SUPT3H: variants seen among roughly 807,000 people sequenced by gnomAD.
SUPT3H encodes the protein transcription initiation protein SPT3 homolog.
A neutral mutation model predicts 44.3 loss-of-function variants in SUPT3H; 44 were observed. That is an observed-to-expected ratio of 0.99 (90% CI 0.78 to 1.28). SUPT3H has a LOEUF of 1.28. SUPT3H is among the 50% of genes most tolerant of loss of function. SUPT3H has a pLI of 0.00. For synonymous variants in SUPT3H, 124 were observed against 125.6 expected (o/e 0.99, Z 0.09); for missense variants, 380 against 387.1 (o/e 0.98, Z 0.15).
chr6:44,892,532 T>G (rs1339414159), intron 10 of SUPT3H, among the ~76,000 whole-genome samples: 1 of 152,180 alleles, frequency 6.6e-6, no homozygotes, highest in Non-Finnish European at 1.5e-5. Flanking sequence ...CCTAGCTAAC[T>G]AAGACAAAGT....
At chr6:45,221,069 T>C (rs974915821) in intron 2 of SUPT3H, among the ~76,000 whole-genome samples, 1 of 152,184 alleles carries the variant, frequency 6.6e-6, no homozygotes, top group African/African-American at 2.4e-5. Context: ...TCATGTCCTT[T>C]GTAGGGACAT....
intron 8 of SUPT3H, 118 bp downstream of exon 8, chr6:44,954,377 G>A: frequency 1.3e-6 from 1 of 789,524 alleles, no homozygotes; most frequent in Non-Finnish European, 2.2e-6. Context: ...AAATGCCACA[G>A]GAGAGAATTC....
chr6:45,021,583 T>C (rs1189311768), intron 3 of SUPT3H, among the ~76,000 whole-genome samples: 3 of 151,960 alleles, frequency 2.0e-5, no homozygotes, highest in Admixed American at 6.6e-5. Flanking sequence ...TGAAATACTA[T>C]AAAAAGTTAC....
chr6:44,866,474 G>T (rs1775527377), intron 10 of SUPT3H, among the ~76,000 whole-genome samples: 1 of 151,424 alleles, frequency 6.6e-6, no homozygotes. Context: ...TATATATATT[G>T]AGATCCATCT....
intron 10 of SUPT3H, among the ~76,000 whole-genome samples, chr6:44,929,053 C>A (rs2153460086): frequency 6.6e-6 from 1 of 151,900 alleles, no homozygotes; most frequent in East Asian, 1.9e-4. Context: ...GATGTTTATG[C>A]CATTCTCCCT....
chr6:45,362,883 T>C (rs574894726), intron 2 of SUPT3H, among the ~76,000 whole-genome samples: 3 of 152,258 alleles, frequency 2.0e-5, no homozygotes, highest in South Asian at 4.1e-4. Context: ...ATGCACTAAA[T>C]AGAAGCTCTC....
At chr6:45,083,663 G>A (rs1470475006) in intron 3 of SUPT3H, among the ~76,000 whole-genome samples, 1 of 151,096 alleles carries the variant, frequency 6.6e-6, no homozygotes, top group African/African-American at 2.4e-5. Flanking sequence ...AAAATGAACA[G>A]TCAGAGGCAT....
At chr6:45,318,111 T>C (rs1784970675) in intron 2 of SUPT3H, among the ~76,000 whole-genome samples, 1 of 152,096 alleles carries the variant, frequency 6.6e-6, no homozygotes, top group African/African-American at 2.4e-5. Flanking sequence ...CATGACATAC[T>C]GGAAAAGGCA....
chr6:44,903,851 T>C (rs914489160), intron 10 of SUPT3H, among the ~76,000 whole-genome samples: 21 of 152,294 alleles, frequency 1.4e-4, no homozygotes, highest in African/African-American at 5.1e-4. Context: ...GTGGGCTTCA[T>C]CCCTGGGATG....
rs373516401 is a variant in SUPT3H, at chr6:45,106,466, C to T, written c.102-460G>A. Among the ~76,000 whole-genome samples, 24 of 152,222 alleles carry T rather than the reference C, an allele frequency of 1.6e-4. No individual in the cohort carries two copies. The South Asian group carries it at 4.8e-3, about 30-fold the overall frequency. Reference sequence around the variant, plus strand: ...CAAAAGAAAATAAAAGAAAGTCTTTCCCACACAAGTTGCAACTTCAAAAGA... The same window carrying T: ...CAAAAGAAAATAAAAGAAAGTCTTTTCCACACAAGTTGCAACTTCAAAAGA... On this transcript the variant is annotated intron_variant, in intron 2 of 10. Coordinates refer to ENST00000371459, the MANE Select transcript of SUPT3H (RefSeq NM_003599.4).
At chr6:45,373,792 A>G (rs1796417959) in intron 1 of SUPT3H, among the ~76,000 whole-genome samples, 1 of 152,010 alleles carries the variant, frequency 6.6e-6, no homozygotes, top group South Asian at 2.1e-4. Context: ...ACATCAAGTG[A>G]TCCACCCATC....
intron 6 of SUPT3H, among the ~76,000 whole-genome samples, chr6:44,972,741 C>A (rs1207044084): frequency 6.6e-6 from 1 of 152,204 alleles, no homozygotes; most frequent in African/African-American, 2.4e-5. Context: ...AACCTCAATT[C>A]TAGACTTCTT....
intron 10 of SUPT3H, among the ~76,000 whole-genome samples, chr6:44,859,054 A>G (rs1315389866): frequency 6.6e-6 from 1 of 152,210 alleles, no homozygotes; most frequent in Non-Finnish European, 1.5e-5. Flanking sequence ...CAGAGTTTGC[A>G]TTACTTTAAC....
At chr6:45,162,029 G>GC (rs1809064646) in intron 2 of SUPT3H, among the ~76,000 whole-genome samples, 1 of 122,700 alleles carries the variant, frequency 8.1e-6, no homozygotes, top group African/African-American at 2.9e-5. Flanking sequence ...TTCAGAACAT[G>GC]TTTAAAAAAA....
intron 2 of SUPT3H, among the ~76,000 whole-genome samples, chr6:45,227,049 A>C (rs9395082): frequency 0.59 from 87,910 of 149,212 alleles, 26,808 homozygotes; most frequent in African/African-American, 0.75. Flanking sequence ...AGTAGAGAAA[A>C]GGTTTTGCTA....
intron 3 of SUPT3H, among the ~76,000 whole-genome samples, chr6:45,087,565 T>C (rs1474655271): frequency 6.6e-6 from 1 of 151,838 alleles, no homozygotes; most frequent in Non-Finnish European, 1.5e-5. Context: ...GCAATAATAA[T>C]AAAAGGAAAT....
At chr6:44,877,420 G>A (rs576238853) in intron 10 of SUPT3H, among the ~76,000 whole-genome samples, 1 of 143,700 alleles carries the variant, frequency 7.0e-6, no homozygotes. Context: ...AGTGAGCTGC[G>A]ATAGTGCCAC....
intron 2 of SUPT3H, among the ~76,000 whole-genome samples, chr6:45,286,350 G>A (rs1779268114): frequency 6.6e-6 from 1 of 152,164 alleles, no homozygotes; most frequent in African/African-American, 2.4e-5. Context: ...CTACTCATCT[G>A]ACAAAGGGCG....
chr6:44,858,589 T>C (rs746483944), intron 10 of SUPT3H, among the ~76,000 whole-genome samples: 1 of 152,186 alleles, frequency 6.6e-6, no homozygotes, highest in Non-Finnish European at 1.5e-5. Flanking sequence ...AGTTGAACCA[T>C]ATAAAACTGT....
Sources: allele counts gnomAD v4.1 joint callset (sites outside exome capture counted in the v4.1 genomes callset), GRCh38; gene constraint gnomAD v4.1.1; transcripts MANE v1.5; gene names NCBI Gene and HGNC (gene_info 2026-07-23, HGNC 2026-07-21).